The following ZAN variants were observed in gnomAD, a reference collection of about 807,000 sequenced individuals.
The protein encoded by ZAN is zonadhesin (gene/pseudogene).
In ZAN, 260 loss-of-function variants were observed where a neutral mutation model predicts 286.2. The ratio of observed to expected loss-of-function variants is 0.91; its 90% CI spans 0.82 to 1.01. The LOEUF (loss-of-function observed/expected upper bound fraction) is 1.01, where lower values mean the gene tolerates loss of function less well. Ranked by LOEUF, ZAN falls within the 50% of genes least tolerant of loss-of-function variation. ZAN has a pLI of 0.00. For missense variants in ZAN, 3,410 were observed against 3,639.2 expected (o/e 0.94, Z 1.62); for synonymous variants, 1,368 against 1,417.5 (o/e 0.97, Z 0.79).
chr7:100,778,418 A>G (rs1293137001), intron 34 of ZAN, among the ~76,000 whole-genome samples: 1 of 151,376 alleles, frequency 6.6e-6, no homozygotes, highest in Non-Finnish European at 1.5e-5. Context: ...AGCCTGGGCA[A>G]CATAGCAAGA....
chr7:100,794,838 A>G (rs1032425569), intron 44 of ZAN, among the ~76,000 whole-genome samples: 3 of 150,844 alleles, frequency 2.0e-5, no homozygotes, highest in African/African-American at 7.3e-5. Context: ...TCTTGTCTCA[A>G]AAAAGAAGAG....
At chr7:100,761,336 T>G (rs1235751247) in intron 19 of ZAN, among the ~76,000 whole-genome samples, 1 of 151,960 alleles carries the variant, frequency 6.6e-6, no homozygotes, top group East Asian at 1.9e-4. Flanking sequence ...AGACCATATC[T>G]CCACAAAAAA....
chr7:100,792,329 A>G, intron 41 of ZAN, 76 bp from the exon 42 acceptor site: 2 of 1,524,950 alleles, frequency 1.3e-6, no homozygotes, highest in South Asian at 1.3e-5. Flanking sequence ...TTGGGGTTCC[A>G]GGCTCTCTTC....
In ZAN at chr7:100,792,408, C is replaced by T. The variant is rs756829444; in HGVS notation, c.7716C>T (p.His2572=). ...TCCTGCCCCCTCTCTGCACCAGGCA[C>T]TGCGTGCTGGATCTGTGCTCTGCTC... ...QTVAPEPFQE[H]CVLDLCSAQD... The change falls in exon 42 of 48, where the codon CAC becomes CAT. Residue 2572 remains histidine, a synonymous_variant. Transcript: ENST00000613979. The T allele has an allele frequency of 1.1e-5, 18 of 1,609,966 alleles. No individual in the cohort carries two copies. The highest frequency in any genetic ancestry group is 1.5e-5 in the Non-Finnish European group (18 of 1,177,290).
chr7:100,785,941 G>A (rs1471255187), intron 36 of ZAN, 56 bp from the exon 37 acceptor site: 38 of 1,558,456 alleles, frequency 2.4e-5, no homozygotes, highest in Non-Finnish European at 3.3e-5. Flanking sequence ...TTACAGGCGT[G>A]AGCCGCCGCG....
intron 17 of ZAN, among the ~76,000 whole-genome samples, chr7:100,758,976 C>T (rs1293278431): frequency 6.6e-6 from 1 of 152,082 alleles, no homozygotes; most frequent in East Asian, 1.9e-4. Context: ...GTAACCCCAA[C>T]ACTTTGGGAA....
chr7:100,737,092 G>A lies in ZAN; in HGVS notation c.525+12G>A. ...CCCTGCCCACCCGGGTAAGGCCGGGGACAAATTGTGGGACCTCGGGGGGGA... is the reference window on the plus strand; with the variant it reads ...CCCTGCCCACCCGGGTAAGGCCGGGAACAAATTGTGGGACCTCGGGGGGGA... On this transcript the variant is annotated intron_variant, in intron 5 of 47. Coordinates refer to ENST00000613979, the MANE Select transcript of ZAN (RefSeq NM_003386.3). 1 of 1,487,250 alleles carries A rather than the reference G, an allele frequency of 6.7e-7. No homozygotes were observed. The highest frequency in any genetic ancestry group is 1.2e-5 in the South Asian group (1 of 84,574). The allele number at this position is 1,487,250 out of a possible 1,614,324, so 92.1% of individuals were successfully genotyped here. A position where few individuals can be genotyped will look rare whatever the true frequency, so the allele number is the denominator to read the frequency against.
chr7:100,797,488 G>A (rs748934749), intron 46 of ZAN, 23 bp downstream of exon 46: 3 of 1,612,972 alleles, frequency 1.9e-6, no homozygotes, highest in Non-Finnish European at 2.5e-6. Flanking sequence ...AAGGAGAGAG[G>A]AAGGGCGGGT....
rs780432809 is a variant in ZAN, at chr7:100,795,186, G to C, written c.8126-10G>C. The C allele has an allele frequency of 6.2e-7, 1 of 1,605,784 alleles. No homozygotes were observed. Among genetic ancestry groups the C allele is most frequent in the Non-Finnish European group, 8.5e-7 (1 of 1,176,200 alleles). ...GGGCCCCCCTCCCACAACCCTCTCT[G>C]TCCTTGCAGAAAGCCCGTGTCTGCA... On this transcript the variant is annotated splice_polypyrimidine_tract_variant and intron_variant, in intron 44 of 47. Coordinates refer to ENST00000613979, the MANE Select transcript of ZAN (RefSeq NM_003386.3).
At chr7:100,779,164 C>T (rs996584475) in intron 34 of ZAN, among the ~76,000 whole-genome samples, 1 of 150,554 alleles carries the variant, frequency 6.6e-6, no homozygotes, top group African/African-American at 2.4e-5. Context: ...GATTGCACTA[C>T]TGCACTCCAG....
At chr7:100,791,697 A>G (rs1811971533) in intron 40 of ZAN, among the ~76,000 whole-genome samples, 1 of 151,640 alleles carries the variant, frequency 6.6e-6, no homozygotes, top group African/African-American at 2.4e-5. Context: ...GTGAGCCACC[A>G]CACCCAGCCC....
At chr7:100,762,417 CTCTTT>C in intron 20 of ZAN, 59 bp downstream of exon 20, 3 of 1,063,506 alleles carry the variant, frequency 2.8e-6, no homozygotes, top group African/African-American at 1.9e-5. Flanking sequence ...TCCTGGAACT[CTCTTT>C]TTTTTTTTTT....
intron 34 of ZAN, among the ~76,000 whole-genome samples, chr7:100,777,192 C>T (rs1241120222): frequency 2.6e-5 from 4 of 151,192 alleles, no homozygotes; most frequent in South Asian, 2.1e-4. Context: ...TACAGGCACC[C>T]GCCACCACGC....
At chr7:100,787,349 G>A (rs1346156889) in intron 37 of ZAN, among the ~76,000 whole-genome samples, 1 of 152,068 alleles carries the variant, frequency 6.6e-6, no homozygotes, top group Non-Finnish European at 1.5e-5. Flanking sequence ...CCAGGAGGTG[G>A]AGGCTGCAGT....
intron 42 of ZAN, among the ~76,000 whole-genome samples, chr7:100,792,998 G>A (rs314338): frequency 0.24 from 22,014 of 90,892 alleles, 4,697 homozygotes; most frequent in Middle Eastern, 0.34. Flanking sequence ...AAAAAAAAAA[G>A]AAAGAAAGAA....
rs368976349 is a variant in ZAN, at chr7:100,792,411, C to T, written c.7719C>T (p.Cys2573=). 42 of 1,609,920 alleles carry T rather than the reference C, an allele frequency of 2.6e-5. No homozygotes were observed. The highest frequency in any genetic ancestry group is 2.3e-4 in the Admixed American group (14 of 59,634). ...TVAPEPFQEH[C]VLDLCSAQDP... is the part of the protein sequence containing the mutation. ...TGCCCCCTCTCTGCACCAGGCACTG[C>T]GTGCTGGATCTGTGCTCTGCTCAGG... Residue 2573 remains cysteine (C), a synonymous_variant, in exon 42 of 48, where the codon TGC becomes TGT. Coordinates refer to ENST00000613979, the MANE Select transcript of ZAN (RefSeq NM_003386.3).
chr7:100,736,757 G>A, intron 4 of ZAN, 52 bp from the exon 5 acceptor site: 1 of 1,454,546 alleles, frequency 6.9e-7, no homozygotes, highest in Non-Finnish European at 9.3e-7. Flanking sequence ...ATGGGTGGGG[G>A]CAGCCCTCAG....
At chr7:100,738,822 C>T (rs1359056526) in intron 7 of ZAN, among the ~76,000 whole-genome samples, 1 of 133,512 alleles carries the variant, frequency 7.5e-6, no homozygotes, top group East Asian at 2.2e-4. Flanking sequence ...CAGCCAGCTC[C>T]TCATCTCCTT....
rs553097665 is a variant in ZAN at position 100,773,348 on chromosome 7, G to A, written c.5489G>A (p.Ser1830Asn). 26 of 1,613,962 alleles carry A rather than the reference G, an allele frequency of 1.6e-5. No homozygotes were observed. The African/African-American group carries it at 3.2e-4, about 20-fold the overall frequency. ...PCSSPCPDTC[S>N]SINNPRDCPK... ...AGCAGCCCCTGCCCAGACACCTGCA[G>A]CAGCATAAACAACCCGAGGGACTGC... The change falls in exon 30 of 48, where the codon AGC becomes AAC. Residue 1830 changes from serine (S) to asparagine (N), a missense_variant. Physicochemically the swap from Ser to Asn is conservative, Grantham distance 46. Around this residue, in one of 7 missense-constraint regions of ZAN, gnomAD observed 1,289 missense variants for 1,314.3 expected, o/e 0.98. Coordinates refer to ENST00000613979, the MANE Select transcript of ZAN (RefSeq NM_003386.3).
Sources: gnomAD v4.1 joint callset for allele counts (sites outside exome capture counted in the v4.1 genomes callset) on GRCh38, gnomAD v4.1.1 for gene constraint, gnomAD v4.1.1 regional missense constraint, MANE v1.5 for transcripts, NCBI Gene and HGNC (gene_info 2026-07-23, HGNC 2026-07-21) for gene names.